SLC4A10: variants seen among roughly 807,000 people sequenced by gnomAD.
SLC4A10 encodes the protein sodium-driven chloride bicarbonate exchanger.
In SLC4A10, 42 loss-of-function variants were observed where a neutral mutation model predicts 137.7. The observed-to-expected ratio is 0.30, with a 90% CI of 0.24 to 0.39. The LOEUF (loss-of-function observed/expected upper bound fraction) is 0.39. Ranked by LOEUF, SLC4A10 falls within the 10% of genes least tolerant of loss-of-function variation. The pLI, the probability that SLC4A10 is intolerant of heterozygous loss-of-function variation, is 1.00. For missense variants in SLC4A10, 925 were observed against 1,355.0 expected (o/e 0.68, Z 4.98); for synonymous variants, 474 against 464.1 (o/e 1.02, Z -0.27).
intron 1 of SLC4A10, among the ~76,000 whole-genome samples, chr2:161,757,098 A>G (rs986033957): frequency 1.3e-5 from 2 of 152,152 alleles, no homozygotes; most frequent in African/African-American, 4.8e-5. Context: ...TATGGGAATA[A>G]TAGACACTGT....
intron 1 of SLC4A10, among the ~76,000 whole-genome samples, chr2:161,726,902 CTG>C (rs1459732943): frequency 1.3e-5 from 2 of 152,178 alleles, no homozygotes; most frequent in Non-Finnish European, 2.9e-5. Flanking sequence ...GAGCAAGACT[CTG>C]TCTCAAAAAG....
At chr2:161,707,157 G>C (rs140485632) in intron 1 of SLC4A10, among the ~76,000 whole-genome samples, 22 of 151,584 alleles carry the variant, frequency 1.5e-4, no homozygotes, top group Non-Finnish European at 2.4e-4. Context: ...GTTTACATGT[G>C]ATTTTTCATT....
At chr2:161,942,724 T>C in intron 15 of SLC4A10, 68 bp from the exon 16 acceptor site, 4 of 1,183,470 alleles carry the variant, frequency 3.4e-6, no homozygotes, top group Non-Finnish European at 4.9e-6. Flanking sequence ...GGAGCCGTTA[T>C]ACATTAGTCT....
chr2:161,966,683 C>T (rs1438420629), intron 23 of SLC4A10, among the ~76,000 whole-genome samples: 1 of 150,186 alleles, frequency 6.7e-6, no homozygotes, highest in African/African-American at 2.5e-5. Context: ...GGGAGGTGGA[C>T]GTTGCAGTGA....
intron 1 of SLC4A10, among the ~76,000 whole-genome samples, chr2:161,722,540 C>G (rs2045795493): frequency 6.6e-6 from 1 of 152,200 alleles, no homozygotes; most frequent in Non-Finnish European, 1.5e-5. Context: ...GGCTGCAGAA[C>G]AGCAAAGATG....
intron 1 of SLC4A10, among the ~76,000 whole-genome samples, chr2:161,671,832 C>A (rs754575076): frequency 1.2e-4 from 19 of 152,160 alleles, no homozygotes; most frequent in Non-Finnish European, 1.9e-4. Flanking sequence ...TGAAAATTAT[C>A]TCTGATATCA....
intron 7 of SLC4A10, among the ~76,000 whole-genome samples, chr2:161,873,530 C>CAAAAAAAAAAA (rs759717096): frequency 1.7e-4 from 3 of 17,332 alleles, no homozygotes; most frequent in African/African-American, 2.4e-4. Flanking sequence ...GACCACATCT[C>CAAAAAAAAAAA]AAAAAAAAAA....
At chr2:161,643,188 A>G (rs1030860826) in intron 1 of SLC4A10, among the ~76,000 whole-genome samples, 1 of 152,088 alleles carries the variant, frequency 6.6e-6, no homozygotes, top group African/African-American at 2.4e-5. Context: ...AAAAGTTGAT[A>G]GAAGCTTACA....
intron 2 of SLC4A10, among the ~76,000 whole-genome samples, chr2:161,780,123 G>A (rs2052839721): frequency 6.6e-6 from 1 of 151,950 alleles, no homozygotes; most frequent in Non-Finnish European, 1.5e-5. Context: ...GAAAATAAGA[G>A]AAAAATGAAC....
At position 161,753,102 on chromosome 2, in the gene SLC4A10, AAC is replaced by A. The variant is rs1416904019; in HGVS notation, c.49-17869_49-17868del. ...ATGAAGTATTTCTCCTATGCAGAGA[AAC>A]AATTTATTTACAAAGCATTAAATTA... On this transcript the variant is annotated intron_variant, in intron 1 of 26. Coordinates refer to ENST00000446997, the MANE Select transcript of SLC4A10 (RefSeq NM_001178015.2). 5.9e-5 allele frequency among the ~76,000 whole-genome samples: 9 copies of A among 152,290 alleles called. No individual in the cohort carries two copies. In the South Asian group the frequency reaches 1.9e-3, roughly 32 times the overall value.
chr2:161,839,775 C>G lies in SLC4A10; in HGVS notation c.278-14C>G, dbSNP rs200251141. 1 of 1,613,076 alleles carries G rather than the reference C, an allele frequency of 6.2e-7. No individual in the cohort carries two copies. The highest frequency in any genetic ancestry group is 1.1e-5 in the South Asian group (1 of 91,044). ...AATACATGTTCATGGTAATACATGT[C>G]TCTGATTTTTTAGACACCCCATCAC... On this transcript the variant is annotated splice_polypyrimidine_tract_variant and intron_variant, in intron 3 of 26. Transcript: ENST00000446997.
intron 12 of SLC4A10, among the ~76,000 whole-genome samples, chr2:161,903,408 T>G (rs1683580780): frequency 6.6e-6 from 1 of 152,222 alleles, no homozygotes; most frequent in Non-Finnish European, 1.5e-5. Flanking sequence ...CTGTCTCTAC[T>G]AAGTATTGCT....
chr2:161,638,845 A>C (rs986525171), intron 1 of SLC4A10, among the ~76,000 whole-genome samples: 10 of 144,038 alleles, frequency 6.9e-5, no homozygotes, highest in African/African-American at 2.1e-4. Context: ...CTTTGGTTAA[A>C]TTTATTTATA....
At position 161,637,443 on chromosome 2, in the gene SLC4A10, C is replaced by T. The variant is rs145871515; in HGVS notation, c.48+12877C>T. ...CTCGAACTCCTGACCTCAGGTGATC[C>T]GCCCACTTTGGCTTCCCAAAGTGCT... On this transcript the variant is annotated intron_variant, in intron 1 of 26. Coordinates refer to ENST00000446997, the MANE Select transcript of SLC4A10 (RefSeq NM_001178015.2). Among the ~76,000 whole-genome samples the T allele has an allele frequency of 6.5e-3, 988 of 152,052 alleles. 13 individuals carry two copies. Among genetic ancestry groups the T allele is most frequent in the African/African-American group, 0.023 (937 of 41,456 alleles).
intron 6 of SLC4A10, 95 bp downstream of exon 6, chr2:161,863,157 T>C: frequency 1.7e-6 from 2 of 1,162,820 alleles, no homozygotes; most frequent in South Asian, 2.1e-5. Context: ...TATTTGAAAA[T>C]GATTTTTTGA....
chr2:161,791,508 C>T (rs997293579), intron 2 of SLC4A10, among the ~76,000 whole-genome samples: 1 of 152,138 alleles, frequency 6.6e-6, no homozygotes, highest in Non-Finnish European at 1.5e-5. Context: ...GGAAGAATAG[C>T]TGATGGACTC....
intron 3 of SLC4A10, among the ~76,000 whole-genome samples, chr2:161,835,680 C>A (rs1300424411): frequency 1.3e-5 from 2 of 152,192 alleles, no homozygotes; most frequent in Non-Finnish European, 2.9e-5. Context: ...AGCCTCAGTT[C>A]ATGGACTAAC....
At chr2:161,837,478 A>G (rs982029778) in intron 3 of SLC4A10, among the ~76,000 whole-genome samples, 9 of 152,320 alleles carry the variant, frequency 5.9e-5, no homozygotes, top group Admixed American at 5.9e-4. Flanking sequence ...CATAGTTTCC[A>G]TGGGTTGGAA....
At chr2:161,866,774 G>A (rs1235864697) in intron 6 of SLC4A10, among the ~76,000 whole-genome samples, 1 of 151,636 alleles carries the variant, frequency 6.6e-6, no homozygotes, top group East Asian at 1.9e-4. Context: ...ATCAGTATCT[G>A]TATTTATCAT....
Sources: gnomAD v4.1 joint callset for allele counts (sites outside exome capture counted in the v4.1 genomes callset) on GRCh38, gnomAD v4.1.1 for gene constraint, MANE v1.5 for transcripts, NCBI Gene and HGNC (gene_info 2026-07-23, HGNC 2026-07-21) for gene names.